The following DYNC1I1 variants were observed in gnomAD, a reference collection of about 807,000 sequenced individuals.
The protein encoded by DYNC1I1 is cytoplasmic dynein 1 intermediate chain 1.
DYNC1I1 carries 43 observed loss-of-function variants against 86.6 expected under a neutral mutation model. The ratio of observed to expected loss-of-function variants is 0.50; its 90% CI spans 0.39 to 0.64. The LOEUF (loss-of-function observed/expected upper bound fraction) is 0.64, where lower values mean the gene tolerates loss of function less well. Among genes scored for constraint, DYNC1I1 ranks in the 30% least tolerant of loss-of-function variants. The probability of loss-of-function intolerance (pLI) is 0.00; values close to 1 mark genes in which losing one functional copy is unlikely to be tolerated. For synonymous variants in DYNC1I1, 262 were observed against 283.7 expected (o/e 0.92, Z 0.77); for missense variants, 604 against 788.8 (o/e 0.77, Z 2.81).
chr7:96,059,837 GCAA>G (rs201922832), intron 14 of DYNC1I1, among the ~76,000 whole-genome samples: 3,678 of 152,186 alleles, frequency 0.024, 150 homozygotes, highest in African/African-American at 0.08. Flanking sequence ...CTTCATGCCT[GCAA>G]CAACAACAAC....
chr7:96,084,163 C>G (rs1341089987), intron 16 of DYNC1I1, among the ~76,000 whole-genome samples: 3 of 151,810 alleles, frequency 2.0e-5, no homozygotes, highest in African/African-American at 7.3e-5. Context: ...CATAGGGCAC[C>G]GTGCTTAGGG....
At position 95,977,435 on chromosome 7, in the gene DYNC1I1, C is replaced by T; in HGVS notation, c.491-77C>T. On this transcript the variant is annotated intron_variant, in intron 6 of 16. Coordinates refer to ENST00000447467, the MANE Select transcript of DYNC1I1 (RefSeq NM_001135556.2). ...AAATGATTGGAACTTTACCCTTTACCCCTACCTCCCACTATCAACCAAAGA... is the reference window on the plus strand; with the variant it reads ...AAATGATTGGAACTTTACCCTTTACTCCTACCTCCCACTATCAACCAAAGA... 2.9e-6 allele frequency: 4 copies of T among 1,376,462 alleles called. No individual in the cohort carries two copies. The Admixed American group carries it at 8.5e-5, about 29-fold the overall frequency. 85.3% of individuals were successfully genotyped at this position (1,376,462 alleles called of 1,614,324 possible). A position where few individuals can be genotyped will look rare whatever the true frequency, so the allele number is the denominator to read the frequency against.
chr7:96,005,401 A>C (rs1428394575), intron 10 of DYNC1I1, among the ~76,000 whole-genome samples: 2 of 152,080 alleles, frequency 1.3e-5, no homozygotes, highest in Non-Finnish European at 2.9e-5. Flanking sequence ...CATTTTAGTA[A>C]ATTATTTTGC....
chr7:95,877,641 T>C (rs1790344401), intron 6 of DYNC1I1, among the ~76,000 whole-genome samples: 1 of 152,202 alleles, frequency 6.6e-6, no homozygotes, highest in African/African-American at 2.4e-5. Context: ...AAGAAAAGAC[T>C]GGTAGATGTG....
chr7:95,810,433 T>C lies in DYNC1I1; in HGVS notation c.150T>C (p.Ser50=), dbSNP rs544620187. The change falls in exon 3 of 17, where the codon TCT becomes TCC. Residue 50 remains serine, a synonymous_variant. Transcript: ENST00000447467. ...AGAAAGAACCCGTTCAGGACGACTC[T>C]GATCTGGATCGCAAACGACGAGAGA... is the stretch of plus-strand genomic sequence containing the variant. The part of the protein sequence containing the change: ...QQKKEPVQDD[S]DLDRKRRETE... 1.2e-6 allele frequency: 2 copies of C among 1,613,144 alleles called. No individual in the cohort carries two copies. Among genetic ancestry groups the C allele is most frequent in the East Asian group, 2.2e-5 (1 of 44,852 alleles).
intron 5 of DYNC1I1, among the ~76,000 whole-genome samples, chr7:95,842,516 G>C (rs899212207): frequency 6.6e-6 from 1 of 152,108 alleles, no homozygotes; most frequent in Admixed American, 6.5e-5. Flanking sequence ...TATCTTATCA[G>C]TTAATTGCAT....
At chr7:95,803,922 C>T (rs1385921106) in intron 1 of DYNC1I1, among the ~76,000 whole-genome samples, 2 of 152,098 alleles carry the variant, frequency 1.3e-5, no homozygotes, top group East Asian at 1.9e-4. Flanking sequence ...CCATCACTAC[C>T]AGCATCGTCA....
intron 16 of DYNC1I1, among the ~76,000 whole-genome samples, chr7:96,107,879 T>TG (rs1280886595): frequency 1.3e-5 from 2 of 150,916 alleles, no homozygotes; most frequent in Non-Finnish European, 3.0e-5. Context: ...GTTTTTTTTT[T>TG]TTTTTTTTTT....
intron 14 of DYNC1I1, among the ~76,000 whole-genome samples, chr7:96,047,214 A>G (rs1562984569): frequency 6.6e-6 from 1 of 152,140 alleles, no homozygotes; most frequent in Non-Finnish European, 1.5e-5. Flanking sequence ...ATCATCTCCT[A>G]AAGTTCCCAC....
intron 6 of DYNC1I1, among the ~76,000 whole-genome samples, chr7:95,916,826 C>T (rs1452341398): frequency 1.4e-4 from 21 of 152,158 alleles, no homozygotes; most frequent in Non-Finnish European, 2.4e-4. Flanking sequence ...TCAGCACTTT[C>T]AAAAACATGG....
In DYNC1I1 at chr7:96,076,134, G is replaced by A. The variant is rs751026084; in HGVS notation, c.1587G>A (p.Ala529=). ...TCATGTGGTCCCCCGTGCATCCTGC[G>A]CTTTTTGCCTGCGTGGACGGGATGG... ...YDVMWSPVHP[A]LFACVDGMGR... is the part of the protein sequence containing the mutation. Residue 529 remains alanine (A), a synonymous_variant, in exon 15 of 17, where the codon GCG becomes GCA. Transcript: ENST00000447467. 19 of 1,614,176 alleles carry A rather than the reference G, an allele frequency of 1.2e-5. No individual in the cohort carries two copies. Among genetic ancestry groups the A allele is most frequent in the Admixed American group, 5.0e-5 (3 of 60,026 alleles).
At chr7:95,929,159 T>C (rs1043788070) in intron 6 of DYNC1I1, among the ~76,000 whole-genome samples, 6 of 152,140 alleles carry the variant, frequency 3.9e-5, no homozygotes, top group Admixed American at 3.3e-4. Flanking sequence ...ACTAGTATTT[T>C]CTGCTCTTCC....
intron 6 of DYNC1I1, among the ~76,000 whole-genome samples, chr7:95,909,236 A>AGGGGGGGGGGGGG (rs1476037005): frequency 2.7e-4 from 1 of 3,758 alleles, no homozygotes; most frequent in African/African-American, 1.3e-3. Context: ...GGAGGGTGGG[A>AGGGGGGGGGGGGG]GGGGGGTGGG....
At chr7:95,961,033 A>T (rs546118919) in intron 6 of DYNC1I1, among the ~76,000 whole-genome samples, 2 of 152,352 alleles carry the variant, frequency 1.3e-5, no homozygotes, top group African/African-American at 4.8e-5. Context: ...TAATCTAATG[A>T]TGTCATGCAA....
At chr7:95,887,805 C>G (rs1393925008) in intron 6 of DYNC1I1, among the ~76,000 whole-genome samples, 1 of 152,114 alleles carries the variant, frequency 6.6e-6, no homozygotes, top group Non-Finnish European at 1.5e-5. Flanking sequence ...CTGCAAGCCC[C>G]CCGGTATTGT....
chr7:95,896,808 T>A (rs1694413732), intron 6 of DYNC1I1, among the ~76,000 whole-genome samples: 1 of 152,234 alleles, frequency 6.6e-6, no homozygotes, highest in Non-Finnish European at 1.5e-5. Flanking sequence ...TCTCATCAAT[T>A]CTGTTTATGT....
intron 14 of DYNC1I1, among the ~76,000 whole-genome samples, chr7:96,066,565 TGG>T (rs1276796214): frequency 3.3e-5 from 5 of 152,252 alleles, no homozygotes; most frequent in Non-Finnish European, 7.3e-5. Context: ...GGTAAAAACC[TGG>T]GTACCTCCTT....
At chr7:95,960,895 T>C (rs778034087) in intron 6 of DYNC1I1, among the ~76,000 whole-genome samples, 2 of 152,204 alleles carry the variant, frequency 1.3e-5, no homozygotes, top group Non-Finnish European at 2.9e-5. Flanking sequence ...CAAGAAAGAA[T>C]CTTCAAGTTT....
chr7:95,996,628 A>G (rs572494398), intron 10 of DYNC1I1, among the ~76,000 whole-genome samples: 47 of 152,210 alleles, frequency 3.1e-4, no homozygotes, highest in African/African-American at 1.1e-3. Context: ...ATATGTTTGT[A>G]TTTTTCATTC....
Sources: allele counts gnomAD v4.1 joint callset (sites outside exome capture counted in the v4.1 genomes callset), GRCh38; gene constraint gnomAD v4.1.1; transcripts MANE v1.5; gene names NCBI Gene and HGNC (gene_info 2026-07-23, HGNC 2026-07-21).